The following TRMT11 variants were observed in gnomAD, a reference collection of about 807,000 sequenced individuals.
TRMT11 encodes the protein tRNA (guanine(10)-N(2))-methyltransferase TRMT11.
Under a neutral mutation model 62.8 loss-of-function variants are expected in TRMT11, and 53 were observed. That is an observed-to-expected ratio of 0.84 (90% confidence interval 0.68 to 1.06). The LOEUF is 1.06. TRMT11 is among the 50% of genes least tolerant of loss of function. TRMT11 has a pLI of 0.00. For synonymous variants in TRMT11, 188 were observed against 190.3 expected (o/e 0.99, Z 0.10); for missense variants, 556 against 553.4 (o/e 1.00, Z -0.05).
intron 1 of TRMT11, among the ~76,000 whole-genome samples, chr6:126,198,149 G>T (rs577872750): frequency 4.5e-4 from 69 of 152,212 alleles, no homozygotes; most frequent in African/African-American, 1.6e-3. Context: ...GTCAATTACT[G>T]CCATCTCTTT....
At chr6:126,094,995 A>T (rs1265816957) in intron 17 of TRMT11, among the ~76,000 whole-genome samples, 1 of 152,186 alleles carries the variant, frequency 6.6e-6, no homozygotes. Context: ...TTCAACTTTC[A>T]AGTATGATGC....
chr6:126,172,042 G>T (rs772346825), intron 21 of TRMT11, among the ~76,000 whole-genome samples: 39 of 152,074 alleles, frequency 2.6e-4, no homozygotes, highest in Non-Finnish European at 4.7e-4. Context: ...TTAAAAAAAG[G>T]TTAAATGTTT....
intron 21 of TRMT11, among the ~76,000 whole-genome samples, chr6:126,141,196 C>A (rs968377845): frequency 6.6e-6 from 1 of 152,036 alleles, no homozygotes; most frequent in African/African-American, 2.4e-5. Context: ...TATTTCTAAT[C>A]ATCTTAATTA....
At chr6:126,082,466 C>G (rs1486809452) in intron 17 of TRMT11, among the ~76,000 whole-genome samples, 2 of 152,072 alleles carry the variant, frequency 1.3e-5, no homozygotes, top group Non-Finnish European at 2.9e-5. Context: ...TGTTGGAAGA[C>G]TTGGTTGCCA....
intron 17 of TRMT11, among the ~76,000 whole-genome samples, chr6:126,084,404 C>A (rs1583870511): frequency 1.3e-5 from 2 of 152,062 alleles, no homozygotes; most frequent in African/African-American, 4.8e-5. Flanking sequence ...GGAAAAATGT[C>A]TTTTGCCCAT....
In TRMT11 at chr6:126,021,081, C is replaced by T. The variant is rs958997177; in HGVS notation, c.1140-79C>T. ...GAGCATGTAGTGGAAGAACATCCCA[C>T]ACTACACTGGACGATCCCCATGATT... On this transcript the variant is annotated intron_variant, in intron 11 of 12. Coordinates refer to ENST00000334379, the MANE Select transcript of TRMT11 (RefSeq NM_001031712.3). The T allele has an allele frequency of 3.2e-6, 5 of 1,540,510 alleles. No individual in the cohort carries two copies. The African/African-American group carries it at 4.1e-5, about 13-fold the overall frequency.
At chr6:126,176,897 A>C (rs1483974453), upstream of TRMT11, among the ~76,000 whole-genome samples, 3 of 152,184 alleles carry the variant, frequency 2.0e-5, no homozygotes, top group Admixed American at 1.3e-4. Context: ...TTATAACATG[A>C]AAATGCGATG....
chr6:126,006,884 C>T (rs1186917102), intron 7 of TRMT11: 1 of 151,978 alleles, frequency 6.6e-6, no homozygotes, highest in African/African-American at 2.4e-5. Flanking sequence ...TCACTCTAAC[C>T]AAATGGATAA....
At chr6:126,039,362 A>AT (rs1432509511), downstream of TRMT11, 3 of 152,674 alleles carry the variant, frequency 2.0e-5, no homozygotes, top group Non-Finnish European at 4.4e-5. Context: ...AAGGAATAAC[A>AT]ATGCTAATAG....
rs1290395495 is a variant in TRMT11 at position 126,078,421 on chromosome 6, T to C, written c.*1437+25231T>C. Among the ~76,000 whole-genome samples, 4 of 151,738 alleles carry C rather than the reference T, an allele frequency of 2.6e-5. No homozygotes were observed. The East Asian group carries it at 7.7e-4, about 29-fold the overall frequency. On this transcript the variant is annotated intron_variant and NMD_transcript_variant, in intron 17 of 22. Coordinates refer to the TRMT11 transcript ENST00000648977. ...AGGTTTTTTTTTTTTTGAGTTGGAC[T>C]CAGGCATTTTTTTTCTTCCGTTCCT... is the stretch of plus-strand genomic sequence containing the variant.
intron 21 of TRMT11, among the ~76,000 whole-genome samples, chr6:126,147,146 G>A (rs556977863): frequency 6.6e-6 from 1 of 152,278 alleles, no homozygotes; most frequent in Non-Finnish European, 1.5e-5. Flanking sequence ...ACACAAAAGG[G>A]AATTTAAGGT....
At chr6:126,178,020 C>T (rs148258728) in intron 1 of TRMT11, among the ~76,000 whole-genome samples, 1 of 152,120 alleles carries the variant, frequency 6.6e-6, no homozygotes, top group African/African-American at 2.4e-5. Flanking sequence ...TTCTCTTTAA[C>T]CCTTTCCATT....
chr6:126,052,497 T>C (rs1451182418), intron 16 of TRMT11, among the ~76,000 whole-genome samples: 1 of 152,226 alleles, frequency 6.6e-6, no homozygotes, highest in East Asian at 1.9e-4. Flanking sequence ...GGGTTTCATT[T>C]GTTTTTTAAT....
At chr6:126,206,885 T>C (rs189496619), downstream of TRMT11, among the ~76,000 whole-genome samples, 1 of 152,364 alleles carries the variant, frequency 6.6e-6, no homozygotes, top group East Asian at 1.9e-4. Context: ...GTGGGAATTT[T>C]TCCTTTGAAT....
Position 126,013,308 on chromosome 6 carries a change from G to A in TRMT11, c.1139+207G>A, listed in dbSNP as rs531064209. On this transcript the variant is annotated intron_variant, in intron 11 of 12. Coordinates refer to ENST00000334379, the MANE Select transcript of TRMT11 (RefSeq NM_001031712.3). ...GTCTTGCTCTGTCACCCAGGCTGGA[G>A]TGCAGTAGTGCAATCGTGACTCACT... Among the ~76,000 whole-genome samples the A allele has an allele frequency of 1.1e-4, 16 of 152,168 alleles. No individual in the cohort carries two copies. The South Asian group carries it at 3.3e-3, about 32-fold the overall frequency.
At chr6:126,201,099 T>C (rs138297287) in intron 3 of TRMT11, among the ~76,000 whole-genome samples, 3 of 152,364 alleles carry the variant, frequency 2.0e-5, no homozygotes, top group Admixed American at 6.5e-5. Flanking sequence ...ATATGAAATC[T>C]TGGCATCTTT....
At chr6:126,038,549 A>G (rs546770218) in intron 12 of TRMT11, among the ~76,000 whole-genome samples, 156 bp from the exon 13 acceptor site, 1 of 152,166 alleles carries the variant, frequency 6.6e-6, no homozygotes, top group East Asian at 1.9e-4. Flanking sequence ...ATAAGGATGT[A>G]AAGTGATGGT....
At chr6:126,258,891 G>C in the TRMT11 span, among the ~76,000 whole-genome samples, 1 of 152,034 alleles carries the variant, frequency 6.6e-6, no homozygotes, top group East Asian at 1.9e-4. Context: ...AACGTGTCAT[G>C]GGGATTTGTT....
intron 21 of TRMT11, among the ~76,000 whole-genome samples, chr6:126,158,468 G>A (rs926628896): frequency 6.6e-6 from 1 of 152,166 alleles, no homozygotes; most frequent in Admixed American, 6.5e-5. Context: ...GACTATAGGA[G>A]GAAGCTCATG....
Sources: gnomAD v4.1 joint callset for allele counts (sites outside exome capture counted in the v4.1 genomes callset) on GRCh38, gnomAD v4.1.1 for gene constraint, MANE v1.5 for transcripts, NCBI Gene and HGNC (gene_info 2026-07-23, HGNC 2026-07-21) for gene names.